Variants in PCDHGB3 observed in about 807,000 individuals in gnomAD.
The protein encoded by PCDHGB3 is protocadherin gamma subfamily B, 3.
Under a neutral mutation model 59.2 loss-of-function variants are expected in PCDHGB3, and 40 were observed. That is an observed-to-expected ratio of 0.68 (90% CI 0.52 to 0.88). PCDHGB3 has a LOEUF of 0.88. Among genes scored for constraint, PCDHGB3 ranks in the 40% least tolerant of loss-of-function variants. The probability of loss-of-function intolerance (pLI) is 0.00; values close to 1 mark genes in which losing one functional copy is unlikely to be tolerated. For synonymous variants in PCDHGB3, 581 were observed against 503.6 expected (o/e 1.15, Z -2.06); for missense variants, 1,309 against 1,187.9 (o/e 1.10, Z -1.50).
intron 1 of PCDHGB3, chr5:141,415,748 T>A: frequency 9.9e-7 from 1 of 1,008,964 alleles, no homozygotes; most frequent in Non-Finnish European, 1.2e-6. Context: ...AGGTTTTTTT[T>A]TTTTTTTTTT....
At chr5:141,453,377 T>TC (rs1242854086) in intron 1 of PCDHGB3, among the ~76,000 whole-genome samples, 3 of 152,072 alleles carry the variant, frequency 2.0e-5, no homozygotes, top group Admixed American at 2.0e-4. Context: ...CAAGTGATCC[T>TC]CCTGCCTTAG....
At chr5:141,433,091 A>C in intron 1 of PCDHGB3, 1 of 1,614,182 alleles carries the variant, frequency 6.2e-7, no homozygotes, top group Non-Finnish European at 8.5e-7. Flanking sequence ...CTATGCAGAC[A>C]TGCTCGTCAG....
In PCDHGB3 at chr5:141,431,465, AACG is replaced by A; in HGVS notation, c.2415+58659_2415+58661del. 1.9e-6 allele frequency: 3 copies of A among 1,613,790 alleles called. No homozygotes were observed. The highest frequency in any genetic ancestry group is 2.5e-6 in the Non-Finnish European group (3 of 1,179,970). ...CATCCGCGTGATGGTTCTGGATGCGAACGACAACGCACCAGCGTTTGCTCAGCC... is the reference window on the plus strand; with the variant it reads ...CATCCGCGTGATGGTTCTGGATGCGAACAACGCACCAGCGTTTGCTCAGCC... On this transcript the variant is annotated intron_variant, in intron 1 of 3. Transcript: ENST00000576222. The surrounding 1 kb of genome is among the most constrained non-coding windows in gnomAD (Gnocchi z 4.8).
chr5:141,413,043 C>A, intron 1 of PCDHGB3: 1 of 864,340 alleles, frequency 1.2e-6, no homozygotes, highest in Non-Finnish European at 1.7e-6. Flanking sequence ...TGCTGGGCTG[C>A]AGGGAAGCTC....
rs1025148587 is a variant in PCDHGB3, at chr5:141,431,434, C to T, written c.2415+58625C>T. ...GGGGCGACCCGGTGCGCACAGGCAC[C>T]GCGCGCATCCGCGTGATGGTTCTGG... On this transcript the variant is annotated intron_variant, in intron 1 of 3. Transcript: ENST00000576222. This position sits in a 1 kb window ranked among gnomAD's most constrained non-coding sequence, Gnocchi z 4.8. The T allele has an allele frequency of 6.2e-7, 1 of 1,613,690 alleles. No homozygotes were observed. The highest frequency in any genetic ancestry group is 1.3e-5 in the African/African-American group (1 of 75,072).
chr5:141,384,600 C>T, intron 1 of PCDHGB3: 1 of 1,614,248 alleles, frequency 6.2e-7, no homozygotes, highest in Non-Finnish European at 8.5e-7. Flanking sequence ...ACCCGGCCCT[C>T]CCCACAGATG....
chr5:141,385,490 G>A, intron 1 of PCDHGB3: 15 of 1,399,988 alleles, frequency 1.1e-5, no homozygotes, highest in East Asian at 2.6e-5. Context: ...AGAACACATA[G>A]GATATAGTAT....
intron 1 of PCDHGB3, among the ~76,000 whole-genome samples, chr5:141,425,068 A>G (rs1484760901): frequency 6.6e-6 from 1 of 152,174 alleles, no homozygotes; most frequent in African/African-American, 2.4e-5. Context: ...GGACAAAAAT[A>G]ATTTCAACTG....
intron 1 of PCDHGB3, among the ~76,000 whole-genome samples, chr5:141,484,321 G>A (rs2099594762): frequency 6.6e-6 from 1 of 152,124 alleles, no homozygotes; most frequent in Non-Finnish European, 1.5e-5. Flanking sequence ...CTTCCATACT[G>A]TCCTTGAAAT....
intron 1 of PCDHGB3, chr5:141,418,921 T>A (rs897705216): frequency 1.9e-6 from 3 of 1,613,928 alleles, no homozygotes; most frequent in Admixed American, 3.3e-5. Context: ...CACTCTCTGA[T>A]CAGATTATGG....
At chr5:141,500,809 A>G (rs1018522111) in intron 2 of PCDHGB3, among the ~76,000 whole-genome samples, 1 of 152,324 alleles carries the variant, frequency 6.6e-6, no homozygotes, top group African/African-American at 2.4e-5. Context: ...CCTCATATGA[A>G]TATACATATT....
intron 2 of PCDHGB3, among the ~76,000 whole-genome samples, chr5:141,502,947 G>A (rs933409229): frequency 3.0e-4 from 45 of 151,030 alleles, no homozygotes; most frequent in Admixed American, 1.8e-3. Context: ...GGGTTCAAGC[G>A]ATTCTCCTGC....
rs748486683 is a variant in PCDHGB3, at chr5:141,374,702, G to A, written c.2415+1893G>A. 8 of 1,609,096 alleles carry A rather than the reference G, an allele frequency of 5.0e-6. No homozygotes were observed. In the Admixed American group the frequency reaches 5.1e-5, roughly 10 times the overall value. ...CACACTGGACCGGGAAGGAGAAGCCGTTTACCGCCTGGTCCTTACTGCCAT... is the reference window on the plus strand; with the variant it reads ...CACACTGGACCGGGAAGGAGAAGCCATTTACCGCCTGGTCCTTACTGCCAT... On this transcript the variant is annotated intron_variant, in intron 1 of 3. Transcript: ENST00000576222.
At chr5:141,421,960 C>G in intron 1 of PCDHGB3, 3 of 1,612,526 alleles carry the variant, frequency 1.9e-6, no homozygotes, top group Non-Finnish European at 2.5e-6. Context: ...AATGTTTACA[C>G]AGTCCGTATA....
intron 2 of PCDHGB3, among the ~76,000 whole-genome samples, chr5:141,499,133 T>C (rs1443866975): frequency 6.6e-6 from 1 of 152,184 alleles, no homozygotes; most frequent in East Asian, 1.9e-4. Context: ...GGTCATCCTT[T>C]GGGTGTCTGA....
intron 1 of PCDHGB3, chr5:141,420,202 C>G: frequency 1.2e-6 from 2 of 1,613,256 alleles, no homozygotes; most frequent in Non-Finnish European, 1.7e-6. Context: ...AAGATAACCT[C>G]AACAAAGATA....
intron 1 of PCDHGB3, chr5:141,441,971 G>T: frequency 3.3e-6 from 1 of 298,820 alleles, no homozygotes; most frequent in Non-Finnish European, 6.5e-6. Context: ...AGGCTCTTCA[G>T]CCTGGAATGC....
intron 2 of PCDHGB3, among the ~76,000 whole-genome samples, chr5:141,495,662 C>G (rs545912968): frequency 6.6e-6 from 1 of 152,138 alleles, no homozygotes; most frequent in Admixed American, 6.6e-5. Flanking sequence ...TGATCTGTGC[C>G]GCCCACTGTG....
intron 1 of PCDHGB3, chr5:141,492,033 C>A: frequency 1.8e-6 from 1 of 548,342 alleles, no homozygotes; most frequent in Non-Finnish European, 3.1e-6. Flanking sequence ...CGGGAGGAGG[C>A]AGTCACAGAT....
Sources: gnomAD v4.1 joint callset for allele counts (sites outside exome capture counted in the v4.1 genomes callset) on GRCh38, gnomAD v4.1.1 for gene constraint, Gnocchi (gnomAD v3.1) non-coding constraint, MANE v1.5 for transcripts, NCBI Gene and HGNC (gene_info 2026-07-23, HGNC 2026-07-21) for gene names.